Variants in LRRC4C observed in about 807,000 individuals in gnomAD.
LRRC4C encodes the protein leucine rich repeat containing 4C.
Under a neutral mutation model 33.6 loss-of-function variants are expected in LRRC4C, and 5 were observed. The ratio of observed to expected loss-of-function variants is 0.15; its 90% CI spans 0.08 to 0.31. The LOEUF is 0.31. Among genes scored for constraint, LRRC4C ranks in the 10% least tolerant of loss-of-function variants. The pLI is 1.00. For missense variants in LRRC4C, 560 were observed against 796.7 expected (o/e 0.70, Z 3.58); for synonymous variants, 329 against 302.0 (o/e 1.09, Z -0.93).
chr11:40,784,274 C>T (rs1362030453), intron 2 of LRRC4C, among the ~76,000 whole-genome samples: 1 of 152,104 alleles, frequency 6.6e-6, no homozygotes, highest in Admixed American at 6.5e-5. Flanking sequence ...TAAGCAACTG[C>T]CCAGGTTTAC....
chr11:40,868,318 T>C (rs777492545), intron 2 of LRRC4C, among the ~76,000 whole-genome samples: 28 of 152,128 alleles, frequency 1.8e-4, no homozygotes, highest in African/African-American at 6.8e-4. Context: ...TACTGAAGAA[T>C]GCTATTTAAT....
intron 1 of LRRC4C, among the ~76,000 whole-genome samples, chr11:41,147,114 C>A (rs1943760849): frequency 6.6e-6 from 1 of 152,164 alleles, no homozygotes; most frequent in Admixed American, 6.5e-5. Flanking sequence ...TCCTCATCTT[C>A]TGGTTACATC....
At chr11:41,031,586 C>A (rs952965096) in intron 1 of LRRC4C, among the ~76,000 whole-genome samples, 3 of 152,000 alleles carry the variant, frequency 2.0e-5, no homozygotes, top group Non-Finnish European at 4.4e-5. Context: ...GAATGTTATA[C>A]TACCCACTGT....
intron 3 of LRRC4C, among the ~76,000 whole-genome samples, chr11:40,528,453 C>T (rs1411199574): frequency 6.6e-6 from 1 of 151,650 alleles, no homozygotes; most frequent in Non-Finnish European, 1.5e-5. Flanking sequence ...GAGATATTAG[C>T]TCACAGCTAT....
intron 1 of LRRC4C, among the ~76,000 whole-genome samples, chr11:41,429,098 G>A (rs1039135875): frequency 2.7e-4 from 41 of 152,152 alleles, no homozygotes; most frequent in African/African-American, 9.9e-4. Flanking sequence ...TTACCCTCAT[G>A]CTGTTCTCTT....
intron 1 of LRRC4C, among the ~76,000 whole-genome samples, chr11:41,074,953 G>A (rs1938994263): frequency 6.6e-6 from 1 of 150,822 alleles, no homozygotes; most frequent in Non-Finnish European, 1.5e-5. Flanking sequence ...TTAAAGGAAG[G>A]AGTTATGCTG....
intron 2 of LRRC4C, among the ~76,000 whole-genome samples, chr11:40,844,073 T>C (rs1953039816): frequency 6.6e-6 from 1 of 152,100 alleles, no homozygotes; most frequent in African/African-American, 2.4e-5. Flanking sequence ...GCCTTGAATT[T>C]TACAAACAGA....
intron 2 of LRRC4C, among the ~76,000 whole-genome samples, chr11:40,848,567 T>C (rs916189287): frequency 6.6e-6 from 1 of 152,180 alleles, no homozygotes; most frequent in Non-Finnish European, 1.5e-5. Flanking sequence ...CTTCCAATTA[T>C]GTGGTTGATT....
intron 1 of LRRC4C, among the ~76,000 whole-genome samples, chr11:40,940,023 T>A (rs1415987031): frequency 6.6e-6 from 1 of 152,186 alleles, no homozygotes; most frequent in Non-Finnish European, 1.5e-5. Context: ...AGTTTGGTTC[T>A]ATCTCTCAAG....
intron 3 of LRRC4C, among the ~76,000 whole-genome samples, chr11:40,392,652 T>C (rs999921155): frequency 4.6e-5 from 7 of 152,112 alleles, no homozygotes; most frequent in East Asian, 1.9e-4. Context: ...TTGGTTATAA[T>C]ATCAGTATTT....
intron 2 of LRRC4C, among the ~76,000 whole-genome samples, chr11:40,844,068 G>A (rs996989135): frequency 6.6e-6 from 1 of 152,064 alleles, no homozygotes; most frequent in Admixed American, 6.6e-5. Flanking sequence ...AGGTAGCCTT[G>A]AATTTTACAA....
At chr11:40,657,633 C>T (rs1226252224) in intron 2 of LRRC4C, among the ~76,000 whole-genome samples, 5 of 152,178 alleles carry the variant, frequency 3.3e-5, no homozygotes, top group Admixed American at 6.5e-5. Context: ...GGAGTCTTCC[C>T]GCCTTTGCTT....
intron 1 of LRRC4C, among the ~76,000 whole-genome samples, chr11:41,038,643 G>C (rs963415449): frequency 2.4e-4 from 36 of 152,104 alleles, no homozygotes; most frequent in African/African-American, 8.7e-4. Flanking sequence ...CTAACATTTA[G>C]AGACTGTCAC....
chr11:40,600,454 G>A (rs2135802651), intron 3 of LRRC4C, among the ~76,000 whole-genome samples: 1 of 152,204 alleles, frequency 6.6e-6, no homozygotes, highest in East Asian at 1.9e-4. Context: ...ATTACTAAGT[G>A]GTTTTTCAAT....
At chr11:40,150,317 T>A (rs1858086443) in intron 5 of LRRC4C, among the ~76,000 whole-genome samples, 1 of 152,254 alleles carries the variant, frequency 6.6e-6, no homozygotes, top group Admixed American at 6.5e-5. Context: ...GGCTAGTATG[T>A]AGATTTTTTG....
At chr11:40,273,386 A>G (rs1247141398) in intron 4 of LRRC4C, among the ~76,000 whole-genome samples, 2 of 152,292 alleles carry the variant, frequency 1.3e-5, no homozygotes, top group African/African-American at 4.8e-5. Flanking sequence ...ATATAATTCA[A>G]TAAGTAGAAC....
intron 3 of LRRC4C, among the ~76,000 whole-genome samples, chr11:40,430,149 A>G (rs1219768480): frequency 1.3e-5 from 2 of 151,756 alleles, no homozygotes; most frequent in African/African-American, 2.4e-5. Context: ...CAAAGCTTCA[A>G]AAACATTCCA....
intron 1 of LRRC4C, among the ~76,000 whole-genome samples, chr11:40,975,851 T>G (rs1852043158): frequency 6.6e-6 from 1 of 152,222 alleles, no homozygotes; most frequent in Non-Finnish European, 1.5e-5. Flanking sequence ...GAGAATGTCT[T>G]GATACTTCAA....
intron 1 of LRRC4C, among the ~76,000 whole-genome samples, chr11:41,030,936 A>C (rs184418601): frequency 6.6e-6 from 1 of 151,470 alleles, no homozygotes; most frequent in Non-Finnish European, 1.5e-5. Flanking sequence ...CCCTCCTAAA[A>C]TTTTTCTGGC....
Sources: allele counts gnomAD v4.1 joint callset (sites outside exome capture counted in the v4.1 genomes callset), GRCh38; gene constraint gnomAD v4.1.1; transcripts MANE v1.5; gene names NCBI Gene and HGNC (gene_info 2026-07-23, HGNC 2026-07-21).